ADARB1: variants seen among roughly 807,000 people sequenced by gnomAD.
The protein encoded by ADARB1 is double-stranded RNA-specific editase 1.
In ADARB1, 10 loss-of-function variants were observed where a neutral mutation model predicts 52.4. The ratio of observed to expected loss-of-function variants is 0.19; its 90% CI spans 0.12 to 0.32. The LOEUF (loss-of-function observed/expected upper bound fraction) is 0.32, where lower values mean the gene tolerates loss of function less well. ADARB1 is among the 10% of genes least tolerant of loss of function. ADARB1 has a pLI of 1.00. For synonymous variants in ADARB1, 349 were observed against 371.1 expected, an observed-to-expected ratio of 0.94 and a Z score of 0.68; for missense variants, 643 against 922.3, an observed-to-expected ratio of 0.70 and a Z score of 3.92.
At chr21:45,175,174 T>G (rs1436802010) in intron 3 of ADARB1, among the ~76,000 whole-genome samples, 1 of 152,236 alleles carries the variant, frequency 6.6e-6, no homozygotes, top group African/African-American at 2.4e-5. Context: ...ATTTATTGAT[T>G]GAATATTTTA....
chr21:45,145,085 C>G (rs1426965859), intron 2 of ADARB1: 1 of 152,964 alleles, frequency 6.5e-6, no homozygotes, highest in Non-Finnish European at 1.5e-5. Context: ...ATAGACTAGT[C>G]TAAAAGGAGC....
At chr21:45,164,220 A>G (rs886137589) in intron 2 of ADARB1, among the ~76,000 whole-genome samples, 10 of 152,130 alleles carry the variant, frequency 6.6e-5, no homozygotes, top group African/African-American at 2.4e-4. Context: ...TATTTTTAGG[A>G]AACAACTGTA....
chr21:45,118,487 A>C (rs2087954122), intron 1 of ADARB1: 1 of 152,174 alleles, frequency 6.6e-6, no homozygotes, highest in Non-Finnish European at 1.5e-5. Context: ...ACTTATTGAT[A>C]ATTTGGTAGG....
intron 4 of ADARB1, among the ~76,000 whole-genome samples, chr21:45,178,909 C>CT (rs2091814810): frequency 6.6e-6 from 1 of 152,192 alleles, no homozygotes; most frequent in African/African-American, 2.4e-5. Context: ...AGCACCAGAC[C>CT]TTCAGAGTGA....
chr21:45,217,728 AT>A (rs2092893498), intron 9 of ADARB1, among the ~76,000 whole-genome samples: 1 of 152,078 alleles, frequency 6.6e-6, no homozygotes, highest in Non-Finnish European at 1.5e-5. Context: ...TTCCTTTTAC[AT>A]TCCTTGTAGC....
chr21:45,155,250 C>T (rs1047223271), intron 2 of ADARB1, among the ~76,000 whole-genome samples: 2 of 152,086 alleles, frequency 1.3e-5, no homozygotes, highest in Admixed American at 6.5e-5. Context: ...GAGGTCCAAA[C>T]GTAGAGAGGC....
chr21:45,078,574 G>A (rs989104286), intron 1 of ADARB1, among the ~76,000 whole-genome samples: 5 of 152,200 alleles, frequency 3.3e-5, no homozygotes, highest in Admixed American at 3.3e-4. Flanking sequence ...GGGAACTCTC[G>A]GGTGAAAGTC....
intron 2 of ADARB1, among the ~76,000 whole-genome samples, chr21:45,148,441 T>C (rs966094431): frequency 6.6e-6 from 1 of 152,206 alleles, no homozygotes; most frequent in African/African-American, 2.4e-5. Flanking sequence ...CTGATGACAC[T>C]GAGGCTCCTG....
At chr21:45,080,736 T>C (rs1430392213) in intron 1 of ADARB1, among the ~76,000 whole-genome samples, 1 of 152,226 alleles carries the variant, frequency 6.6e-6, no homozygotes, top group African/African-American at 2.4e-5. Context: ...CCAAATTCAG[T>C]ACTCAGAGGA....
intron 2 of ADARB1, among the ~76,000 whole-genome samples, chr21:45,140,996 T>TAA (rs1728288653): frequency 6.6e-6 from 1 of 152,028 alleles, no homozygotes; most frequent in Non-Finnish European, 1.5e-5. Context: ...TTGAGACCAG[T>TAA]CTGGGTAACA....
At chr21:45,079,448 A>G (rs1409396350) in intron 1 of ADARB1, among the ~76,000 whole-genome samples, 1 of 152,236 alleles carries the variant, frequency 6.6e-6, no homozygotes, top group Non-Finnish European at 1.5e-5. Context: ...GGTGCCAGGT[A>G]TGAGATAGGG....
intron 8 of ADARB1, among the ~76,000 whole-genome samples, chr21:45,189,860 T>G (rs2092231861): frequency 6.6e-6 from 1 of 152,104 alleles, no homozygotes; most frequent in Non-Finnish European, 1.5e-5. Flanking sequence ...GGCTTTTCAC[T>G]TGATGCTTTT....
At chr21:45,111,219 G>A (rs78105510) in intron 1 of ADARB1, among the ~76,000 whole-genome samples, 2,152 of 152,288 alleles carry the variant, frequency 0.014, 50 homozygotes, top group African/African-American at 0.05. Context: ...GACCTCTGTG[G>A]GTGACAGGTT....
At chr21:45,180,086 A>G (rs921806291) in intron 4 of ADARB1, among the ~76,000 whole-genome samples, 7 of 152,190 alleles carry the variant, frequency 4.6e-5, no homozygotes, top group Admixed American at 2.6e-4. Context: ...CACACTCCAC[A>G]CTGGCCCCAC....
intron 1 of ADARB1, among the ~76,000 whole-genome samples, chr21:45,091,958 GTTTTAT>G (rs1401539255): frequency 6.6e-6 from 1 of 152,148 alleles, no homozygotes; most frequent in Non-Finnish European, 1.5e-5. Flanking sequence ...GAAAATCAGT[GTTTTAT>G]TTTTAGTAAG....
At chr21:45,201,012 C>T (rs1223064728) in intron 8 of ADARB1, among the ~76,000 whole-genome samples, 4 of 152,200 alleles carry the variant, frequency 2.6e-5, no homozygotes, top group Admixed American at 6.5e-5. Context: ...TGAGCCGAGG[C>T]CATGCTGTGA....
rs944258949 is a variant in ADARB1 at position 45,200,392 on chromosome 21, G to T, written c.1566-4163G>T. Among the ~76,000 whole-genome samples the T allele has an allele frequency of 5.9e-5, 9 of 152,212 alleles. No homozygotes were observed. Among genetic ancestry groups the T allele is most frequent in the Non-Finnish European group, 1.0e-4 (7 of 68,042 alleles). On this transcript the variant is annotated intron_variant, in intron 8 of 10. Transcript: ENST00000348831. This position sits in a 1 kb window ranked among gnomAD's most constrained non-coding sequence, Gnocchi z 5.0. ...CGGTGATTATGTTGGCGCGGGAGCC[G>T]TGGGAAGGAACGAGAGTCTTGGTTC...
At chr21:45,167,713 C>T (rs527793312) in intron 2 of ADARB1, among the ~76,000 whole-genome samples, 1 of 152,150 alleles carries the variant, frequency 6.6e-6, no homozygotes, top group African/African-American at 2.4e-5. Flanking sequence ...CGCCACTGCA[C>T]TCCAGCCTGG....
At chr21:45,173,690 C>T (rs1377872529) in intron 3 of ADARB1, among the ~76,000 whole-genome samples, 2 of 149,912 alleles carry the variant, frequency 1.3e-5, no homozygotes, top group Non-Finnish European at 1.5e-5. Flanking sequence ...TGTTCTTGCT[C>T]AGTTTATTAA....
Sources: gnomAD v4.1 joint callset for allele counts (sites outside exome capture counted in the v4.1 genomes callset) on GRCh38, gnomAD v4.1.1 for gene constraint, Gnocchi (gnomAD v3.1) non-coding constraint, MANE v1.5 for transcripts, NCBI Gene and HGNC (gene_info 2026-07-23, HGNC 2026-07-21) for gene names.